The following CNTNAP4 variants were observed in gnomAD, a reference collection of about 807,000 sequenced individuals.
The protein encoded by CNTNAP4 is contactin-associated protein-like 4.
Under a neutral mutation model 148.4 loss-of-function variants are expected in CNTNAP4, and 98 were observed. That is an observed-to-expected ratio of 0.66 (90% confidence interval 0.56 to 0.78). The LOEUF (loss-of-function observed/expected upper bound fraction) is 0.78, where lower values mean the gene tolerates loss of function less well. CNTNAP4 is among the 30% of genes least tolerant of loss of function. CNTNAP4 has a pLI of 0.00. For synonymous variants in CNTNAP4, 730 were observed against 565.1 expected (o/e 1.29, Z -4.14); for missense variants, 1,935 against 1,565.6 (o/e 1.24, Z -3.98).
chr16:76,337,307 C>T (rs1372407394), intron 2 of CNTNAP4, among the ~76,000 whole-genome samples: 1 of 152,066 alleles, frequency 6.6e-6, no homozygotes, highest in Non-Finnish European at 1.5e-5. Flanking sequence ...AGGTTCTTTT[C>T]TATTTTCCCT....
chr16:76,545,957 C>T (rs1176841369), intron 21 of CNTNAP4, among the ~76,000 whole-genome samples: 1 of 151,912 alleles, frequency 6.6e-6, no homozygotes, highest in African/African-American at 2.4e-5. Context: ...GTCGCTTGAA[C>T]CCGAGAGGCG....
At chr16:76,301,817 T>C (rs939214526) in intron 1 of CNTNAP4, among the ~76,000 whole-genome samples, 3 of 152,056 alleles carry the variant, frequency 2.0e-5, no homozygotes, top group Non-Finnish European at 4.4e-5. Flanking sequence ...ATCTAAGGCA[T>C]GGGGAAGGTG....
intron 3 of CNTNAP4, among the ~76,000 whole-genome samples, chr16:76,392,537 T>C (rs4300675): frequency 0.62 from 94,352 of 151,962 alleles, 29,885 homozygotes; most frequent in East Asian, 0.95. Context: ...AAGACTACTC[T>C]GAATGATTGG....
intron 2 of CNTNAP4, among the ~76,000 whole-genome samples, chr16:76,331,839 G>A (rs1221821994): frequency 3.3e-5 from 5 of 152,146 alleles, no homozygotes; most frequent in African/African-American, 4.8e-5. Context: ...TTTGCATACT[G>A]TCTAGTGCCC....
chr16:76,396,916 T>C (rs534670625), intron 3 of CNTNAP4, among the ~76,000 whole-genome samples: 1 of 152,118 alleles, frequency 6.6e-6, no homozygotes, highest in South Asian at 2.1e-4. Context: ...GGTAAATAAG[T>C]AAATACACAA....
intron 12 of CNTNAP4, among the ~76,000 whole-genome samples, chr16:76,487,688 T>C (rs1230879315): frequency 6.6e-6 from 1 of 152,242 alleles, no homozygotes; most frequent in African/African-American, 2.4e-5. Flanking sequence ...CTGATAAGTG[T>C]GGCGTCTGTT....
At chr16:76,336,391 A>G (rs1964028140) in intron 2 of CNTNAP4, among the ~76,000 whole-genome samples, 1 of 152,080 alleles carries the variant, frequency 6.6e-6, no homozygotes, top group Non-Finnish European at 1.5e-5. Context: ...TCTTCCACAG[A>G]AGGAGCATTT....
intron 12 of CNTNAP4, among the ~76,000 whole-genome samples, chr16:76,485,148 A>G (rs2081983408): frequency 6.6e-6 from 1 of 151,088 alleles, no homozygotes; most frequent in Admixed American, 6.6e-5. Flanking sequence ...ACAAAGTTTC[A>G]CTCTTGTTGC....
intron 2 of CNTNAP4, among the ~76,000 whole-genome samples, chr16:76,320,847 T>C (rs1010443460): frequency 1.3e-5 from 2 of 152,162 alleles, no homozygotes; most frequent in East Asian, 3.9e-4. Context: ...AATTGATAAA[T>C]TTGTGTACAG....
chr16:76,383,541 G>A (rs2016207033), intron 3 of CNTNAP4, among the ~76,000 whole-genome samples: 1 of 151,940 alleles, frequency 6.6e-6, no homozygotes, highest in African/African-American at 2.4e-5. Context: ...AGATTTAAGA[G>A]AAACAGCAAT....
At chr16:76,373,452 T>C (rs2015079221) in intron 3 of CNTNAP4, among the ~76,000 whole-genome samples, 1 of 152,208 alleles carries the variant, frequency 6.6e-6, no homozygotes, top group African/African-American at 2.4e-5. Context: ...TTGTCTAAGA[T>C]TTTTTCTTTT....
intron 8 of CNTNAP4, among the ~76,000 whole-genome samples, chr16:76,461,484 AC>A (rs1453497783): frequency 6.6e-6 from 1 of 152,186 alleles, no homozygotes; most frequent in East Asian, 1.9e-4. Flanking sequence ...TTAACTTTAT[AC>A]CTGTAAACTT....
intron 3 of CNTNAP4, among the ~76,000 whole-genome samples, chr16:76,374,722 G>A (rs2015226027): frequency 1.3e-5 from 2 of 149,566 alleles, no homozygotes; most frequent in Non-Finnish European, 3.0e-5. Context: ...GTTGAATAAA[G>A]TATATACTTG....
At chr16:76,457,534 C>T (rs1249537171) in intron 8 of CNTNAP4, among the ~76,000 whole-genome samples, 1 of 152,138 alleles carries the variant, frequency 6.6e-6, no homozygotes, top group African/African-American at 2.4e-5. Flanking sequence ...CTATTTTTTG[C>T]TTCTGTATGG....
intron 3 of CNTNAP4, among the ~76,000 whole-genome samples, chr16:76,397,688 G>A (rs2078249139): frequency 6.6e-6 from 1 of 151,416 alleles, no homozygotes; most frequent in Non-Finnish European, 1.5e-5. Context: ...AAATAATAAG[G>A]CCTGGACCAT....
intron 8 of CNTNAP4, among the ~76,000 whole-genome samples, chr16:76,456,689 G>C (rs915517601): frequency 1.3e-5 from 2 of 152,126 alleles, no homozygotes; most frequent in African/African-American, 4.8e-5. Context: ...CTCACTGGTG[G>C]TACCAGGCTG....
At chr16:76,403,135 G>C (rs137899388) in intron 3 of CNTNAP4, among the ~76,000 whole-genome samples, 6,118 of 149,296 alleles carry the variant, frequency 0.041, 443 homozygotes, top group African/African-American at 0.15. Flanking sequence ...CTCTGTCTCC[G>C]GGGCTGGAGT....
chr16:76,311,436 A>G (rs572430655), intron 1 of CNTNAP4, among the ~76,000 whole-genome samples: 147 of 152,292 alleles, frequency 9.7e-4, no homozygotes, highest in Admixed American at 1.4e-3. Context: ...ATTTGTATGT[A>G]TATGGTGTAT....
chr16:76,369,615 G>A (rs181769715), intron 3 of CNTNAP4, among the ~76,000 whole-genome samples: 1 of 152,338 alleles, frequency 6.6e-6, no homozygotes, highest in African/African-American at 2.4e-5. Flanking sequence ...GCCAAGGTGG[G>A]AGGATTACTT....
Sources: gnomAD v4.1 joint callset for allele counts (sites outside exome capture counted in the v4.1 genomes callset) on GRCh38, gnomAD v4.1.1 for gene constraint, MANE v1.5 for transcripts, NCBI Gene and HGNC (gene_info 2026-07-23, HGNC 2026-07-21) for gene names.